The following SLC37A1 variants were observed in gnomAD, a reference collection of about 807,000 sequenced individuals.
SLC37A1 encodes glucose-6-phosphate exchanger SLC37A1.
Under a neutral mutation model 75.3 loss-of-function variants are expected in SLC37A1, and 49 were observed. That is an observed-to-expected ratio of 0.65 (90% CI 0.52 to 0.83). The LOEUF (loss-of-function observed/expected upper bound fraction) is 0.83, where lower values mean the gene tolerates loss of function less well. Among genes scored for constraint, SLC37A1 ranks in the 40% least tolerant of loss-of-function variants. SLC37A1 has a pLI of 0.00. For missense variants in SLC37A1, 566 were observed against 695.0 expected, an observed-to-expected ratio of 0.81 and a Z score of 2.09; for synonymous variants, 268 against 292.1, an observed-to-expected ratio of 0.92 and a Z score of 0.84.
chr21:42,567,265 C>CA (rs1173043792), intron 16 of SLC37A1, among the ~76,000 whole-genome samples: 14 of 152,252 alleles, frequency 9.2e-5, no homozygotes, highest in African/African-American at 3.4e-4. Flanking sequence ...GTGCAAAACT[C>CA]ACCGTTCAGC....
intron 18 of SLC37A1, among the ~76,000 whole-genome samples, chr21:42,576,454 G>A (rs565352091): frequency 6.6e-6 from 1 of 152,098 alleles, no homozygotes; most frequent in South Asian, 2.1e-4. Flanking sequence ...CTGCAGCATA[G>A]GATTTCTGTA....
chr21:42,550,708 C>T lies in SLC37A1; in HGVS notation c.769-3354C>T, dbSNP rs74711532. Among the ~76,000 whole-genome samples the T allele has an allele frequency of 8.1e-3, 1,226 of 152,286 alleles. 11 individuals carry two copies. Among genetic ancestry groups the T allele is most frequent in the African/African-American group, 0.028 (1,155 of 41,550 alleles). ...TCAATAGCAGCAACCAGAATTCAGC[C>T]ACCTACAAAAGGATTATTTACCATG... On this transcript the variant is annotated intron_variant, in intron 9 of 19. Coordinates refer to ENST00000352133, the MANE Select transcript of SLC37A1 (RefSeq NM_001320537.2).
intron 1 of SLC37A1, among the ~76,000 whole-genome samples, chr21:42,516,074 G>A (rs1198136097): frequency 6.6e-6 from 1 of 152,210 alleles, no homozygotes; most frequent in African/African-American, 2.4e-5. Flanking sequence ...TGCTGTGTTT[G>A]ACAGTGCAAT....
intron 3 of SLC37A1, among the ~76,000 whole-genome samples, chr21:42,533,123 C>T (rs1199735924): frequency 6.6e-6 from 1 of 152,184 alleles, no homozygotes; most frequent in Non-Finnish European, 1.5e-5. Context: ...CCGGCTGCTG[C>T]CTGCCTGGGC....
intron 2 of SLC37A1, among the ~76,000 whole-genome samples, chr21:42,519,942 T>TCCCTG (rs2054604883): frequency 6.6e-6 from 1 of 151,254 alleles, no homozygotes; most frequent in African/African-American, 2.5e-5. Context: ...TCTGCTTCTC[T>TCCCTG]CCCTGCCCCT....
At chr21:42,564,872 C>A in intron 14 of SLC37A1, 79 bp downstream of exon 14, 1 of 1,355,780 alleles carries the variant, frequency 7.4e-7, no homozygotes, top group Non-Finnish European at 1.0e-6. Flanking sequence ...AGCATCCTTC[C>A]ATCTGGCCCG....
In SLC37A1 at chr21:42,580,417, A is replaced by G. The variant is rs2056402746; in HGVS notation, c.*57A>G. ...GGCCCACCCTTCACAACTGCCTTTC[A>G]AGGACAGTTCAGACAAAGGGCCCTG... On this transcript the variant is annotated 3_prime_UTR_variant, in exon 20 of 20. Transcript: ENST00000352133. 6 of 1,592,944 alleles carry G rather than the reference A, an allele frequency of 3.8e-6. No homozygotes were observed. In the South Asian group the frequency reaches 5.7e-5, roughly 15 times the overall value.
At chr21:42,543,724 C>T (rs2055340957) in intron 8 of SLC37A1, 122 bp downstream of exon 8, 1 of 952,980 alleles carries the variant, frequency 1.0e-6, no homozygotes, top group Admixed American at 3.1e-5. Flanking sequence ...CCGTGGCTGC[C>T]TCAGCGCTCT....
At chr21:42,554,343 GTTCA>G (rs1452761404) in intron 10 of SLC37A1, among the ~76,000 whole-genome samples, 4 of 152,138 alleles carry the variant, frequency 2.6e-5, no homozygotes, top group African/African-American at 9.7e-5. Flanking sequence ...CACTTAACCA[GTTCA>G]TTCATTCAGC....
chr21:42,502,354 A>G (rs1052418689), exon 2 of SLC37A1: 1 of 152,164 alleles, frequency 6.6e-6, no homozygotes, highest in Non-Finnish European at 1.5e-5. Context: ...GCCTCCGAGA[A>G]TGGCCGGACC....
intron 2 of SLC37A1, among the ~76,000 whole-genome samples, chr21:42,504,290 G>T (rs566284116): frequency 6.6e-6 from 1 of 152,306 alleles, no homozygotes; most frequent in Non-Finnish European, 1.5e-5. Flanking sequence ...CCTGGTCTCA[G>T]TTCCAAGGAT....
At chr21:42,568,062 CG>C (rs1169526812) in intron 16 of SLC37A1, among the ~76,000 whole-genome samples, 1 of 152,278 alleles carries the variant, frequency 6.6e-6, no homozygotes, top group African/African-American at 2.4e-5. Context: ...ACGCCTCTCA[CG>C]CTGGCTGCTC....
At chr21:42,576,201 C>T (rs913347068) in intron 18 of SLC37A1, among the ~76,000 whole-genome samples, 1 of 151,946 alleles carries the variant, frequency 6.6e-6, no homozygotes, top group Non-Finnish European at 1.5e-5. Context: ...AGAGCCAGGA[C>T]CCTCGAAGAG....
In SLC37A1 at chr21:42,518,348, G is replaced by C. The variant is rs1216181586; in HGVS notation, c.-107G>C. ...ACCTTCTTTCCACGCTTTCCAGCCTGTGGGAGCGGCAGGGGCAACAGAGAG... is the reference window on the plus strand; with the variant it reads ...ACCTTCTTTCCACGCTTTCCAGCCTCTGGGAGCGGCAGGGGCAACAGAGAG... On this transcript the variant is annotated 5_prime_UTR_variant, in exon 2 of 20. Coordinates refer to ENST00000352133, the MANE Select transcript of SLC37A1 (RefSeq NM_001320537.2). The C allele has an allele frequency of 1.2e-5, 17 of 1,427,002 alleles. No homozygotes were observed. The highest frequency in any genetic ancestry group is 7.9e-6 in the Non-Finnish European group (8 of 1,013,086). 88.4% of individuals were successfully genotyped at this position (1,427,002 alleles called of 1,614,324 possible). A position where few individuals can be genotyped will look rare whatever the true frequency, so the allele number is the denominator to read the frequency against.
chr21:42,580,116 C>G (rs113903264), intron 19 of SLC37A1, among the ~76,000 whole-genome samples: 27 of 152,058 alleles, frequency 1.8e-4, no homozygotes, highest in African/African-American at 6.3e-4. Flanking sequence ...TTTCCCTCCC[C>G]CCTTGGTCCT....
chr21:42,531,229 C>T (rs228044), intron 3 of SLC37A1, among the ~76,000 whole-genome samples: 79,144 of 151,918 alleles, frequency 0.52, 21,280 homozygotes, highest in Admixed American at 0.64. Context: ...CCGCCTTCCC[C>T]GCACACTCGT....
rs757456962 is a variant in SLC37A1 at position 42,577,904 on chromosome 21, C to T, written c.1522-1832C>T. Among the ~76,000 whole-genome samples, 10 of 152,300 alleles carry T rather than the reference C, an allele frequency of 6.6e-5. 1 individual carries two copies. The highest frequency in any genetic ancestry group is 4.1e-4 in the South Asian group (2 of 4,830). On this transcript the variant is annotated intron_variant, in intron 18 of 19. Transcript: ENST00000352133. Reference sequence around the variant, plus strand: ...TAACCAGAGGAAGCCGGATTTGCTGCGTTGGAAGAAAGAGACCTAAAGCTG... The same window carrying T: ...TAACCAGAGGAAGCCGGATTTGCTGTGTTGGAAGAAAGAGACCTAAAGCTG...
chr21:42,566,938 C>T (rs1473504298), intron 15 of SLC37A1, 47 bp from the exon 16 acceptor site: 2 of 1,578,384 alleles, frequency 1.3e-6, no homozygotes, highest in South Asian at 2.3e-5. Flanking sequence ...GCATGCGGGG[C>T]TCTCTGGAGG....
intron 2 of SLC37A1, 122 bp downstream of exon 2, chr21:42,518,632 C>A: frequency 1.8e-6 from 2 of 1,120,308 alleles, no homozygotes; most frequent in Non-Finnish European, 2.6e-6. Flanking sequence ...CTGACCTCAC[C>A]CATAACCGTT....
Sources: allele counts gnomAD v4.1 joint callset (sites outside exome capture counted in the v4.1 genomes callset), GRCh38; gene constraint gnomAD v4.1.1; transcripts MANE v1.5; gene names NCBI Gene and HGNC (gene_info 2026-07-23, HGNC 2026-07-21).